CACNA2D3: variants seen among roughly 807,000 people sequenced by gnomAD.
CACNA2D3 encodes calcium voltage-gated channel auxiliary subunit alpha2delta 3.
In CACNA2D3, 60 loss-of-function variants were observed where a neutral mutation model predicts 160.6. That is an observed-to-expected ratio of 0.37 (90% CI 0.30 to 0.46). The LOEUF is 0.46. CACNA2D3 is among the 20% of genes least tolerant of loss of function. CACNA2D3 has a pLI of 1.00. For missense variants in CACNA2D3, 1,205 were observed against 1,365.0 expected (o/e 0.88, Z 1.85); for synonymous variants, 558 against 492.9 (o/e 1.13, Z -1.75).
chr3:55,057,958 T>C (rs1402981454), intron 35 of CACNA2D3, among the ~76,000 whole-genome samples: 1 of 152,148 alleles, frequency 6.6e-6, no homozygotes, highest in African/African-American at 2.4e-5. Flanking sequence ...ATAAAGTAAT[T>C]CTCAATGATC....
At chr3:54,301,167 G>A (rs535091294) in intron 2 of CACNA2D3, among the ~76,000 whole-genome samples, 1 of 151,964 alleles carries the variant, frequency 6.6e-6, no homozygotes, top group East Asian at 1.9e-4. Flanking sequence ...TGAGGCAGGA[G>A]GCCCACTTGA....
At position 54,746,484 on chromosome 3, in the gene CACNA2D3, G is replaced by A. The variant is rs117624249; in HGVS notation, c.1168-6115G>A. ...ACTGAGTTGGGCAGTGAGTCCAAAA[G>A]GACATGAGCAGGTGAGAAGACAGGA... On this transcript the variant is annotated intron_variant, in intron 11 of 37. Coordinates refer to ENST00000474759, the MANE Select transcript of CACNA2D3 (RefSeq NM_018398.3). 7.0e-4 allele frequency among the ~76,000 whole-genome samples: 107 copies of A among 152,288 alleles called. No individual in the cohort carries two copies. The East Asian group carries it at 0.019, about 28-fold the overall frequency.
At chr3:54,469,375 T>A (rs1700688134) in intron 4 of CACNA2D3, among the ~76,000 whole-genome samples, 2 of 152,074 alleles carry the variant, frequency 1.3e-5, no homozygotes, top group South Asian at 4.1e-4. Context: ...AGGAATAGCA[T>A]CAATATCAAC....
chr3:54,907,192 G>A (rs929024136), intron 27 of CACNA2D3, among the ~76,000 whole-genome samples: 1 of 152,208 alleles, frequency 6.6e-6, no homozygotes, highest in African/African-American at 2.4e-5. Flanking sequence ...AGAGGTCATG[G>A]TGGGATGTGG....
chr3:54,246,119 T>C (rs1408268959), intron 2 of CACNA2D3, among the ~76,000 whole-genome samples: 1 of 152,254 alleles, frequency 6.6e-6, no homozygotes, highest in Non-Finnish European at 1.5e-5. Context: ...GTGATTTTGG[T>C]TGTTTTGAAG....
At chr3:54,475,314 T>C (rs1218750974) in intron 4 of CACNA2D3, among the ~76,000 whole-genome samples, 1 of 152,206 alleles carries the variant, frequency 6.6e-6, no homozygotes, top group Non-Finnish European at 1.5e-5. Flanking sequence ...CCCCTAGCTT[T>C]GCCAGTGATC....
At chr3:55,011,058 A>C (rs1035663873) in intron 34 of CACNA2D3, among the ~76,000 whole-genome samples, 4 of 152,228 alleles carry the variant, frequency 2.6e-5, no homozygotes, top group African/African-American at 9.6e-5. Context: ...TAACTTACAC[A>C]TAGGCTCGTT....
intron 13 of CACNA2D3, among the ~76,000 whole-genome samples, chr3:54,806,579 C>T (rs1703132766): frequency 6.6e-6 from 1 of 152,188 alleles, no homozygotes; most frequent in East Asian, 1.9e-4. Context: ...GAAGAAAATT[C>T]CATGCTCATG....
At chr3:54,184,715 A>C (rs570506032) in intron 2 of CACNA2D3, among the ~76,000 whole-genome samples, 11 of 152,170 alleles carry the variant, frequency 7.2e-5, no homozygotes, top group Non-Finnish European at 1.5e-4. Context: ...TTCAGTTCTT[A>C]TCTCTTCTTG....
chr3:54,662,516 C>A (rs938728206), intron 11 of CACNA2D3, among the ~76,000 whole-genome samples: 20 of 152,306 alleles, frequency 1.3e-4, no homozygotes, highest in South Asian at 2.1e-4. Context: ...CAGGAACAGC[C>A]AAGAATTCCC....
At chr3:54,646,809 T>C (rs746750371) in intron 11 of CACNA2D3, among the ~76,000 whole-genome samples, 2 of 152,158 alleles carry the variant, frequency 1.3e-5, no homozygotes, top group Admixed American at 6.5e-5. Context: ...TATTTCTGCC[T>C]CTCTAGCTCC....
chr3:54,499,039 A>G (rs1387345368), intron 4 of CACNA2D3, among the ~76,000 whole-genome samples: 1 of 152,074 alleles, frequency 6.6e-6, no homozygotes, highest in African/African-American at 2.4e-5. Context: ...ATGGCCCAGT[A>G]TATGATCTAG....
chr3:54,141,084 T>TGCGCGCGC (rs1392359370), intron 2 of CACNA2D3, among the ~76,000 whole-genome samples: 1 of 112,380 alleles, frequency 8.9e-6, no homozygotes, highest in African/African-American at 3.7e-5. Context: ...TGTGTGTGTG[T>TGCGCGCGC]GTGCGCGCGC....
At chr3:54,284,048 T>G (rs1315233751) in intron 2 of CACNA2D3, among the ~76,000 whole-genome samples, 1 of 152,116 alleles carries the variant, frequency 6.6e-6, no homozygotes, top group Non-Finnish European at 1.5e-5. Context: ...GGCGACACAG[T>G]GAGACTCCAT....
At chr3:54,958,957 G>C (rs994332230) in intron 27 of CACNA2D3, among the ~76,000 whole-genome samples, 1 of 151,860 alleles carries the variant, frequency 6.6e-6, no homozygotes, top group Non-Finnish European at 1.5e-5. Context: ...CACAAAAATT[G>C]AGGCATGGTG....
chr3:54,404,429 A>G (rs894309276), intron 4 of CACNA2D3, among the ~76,000 whole-genome samples: 2 of 152,190 alleles, frequency 1.3e-5, no homozygotes, highest in East Asian at 1.9e-4. Flanking sequence ...ACAAAGTTCA[A>G]CATCCTTTCT....
chr3:54,845,438 A>G (rs1458657625), intron 16 of CACNA2D3, among the ~76,000 whole-genome samples: 1 of 152,144 alleles, frequency 6.6e-6, no homozygotes, highest in East Asian at 1.9e-4. Flanking sequence ...AAAAAAATAG[A>G]GGATTTCTTT....
At chr3:54,992,780 G>GAA (rs5849065) in intron 31 of CACNA2D3, among the ~76,000 whole-genome samples, 6,990 of 137,328 alleles carry the variant, frequency 0.051, 184 homozygotes, top group Middle Eastern at 0.078. Flanking sequence ...TGAACAACAA[G>GAA]AAAAAAAAAA....
intron 3 of CACNA2D3, among the ~76,000 whole-genome samples, chr3:54,321,898 A>G (rs187264188): frequency 7.3e-6 from 1 of 137,916 alleles, no homozygotes; most frequent in Admixed American, 8.0e-5. Flanking sequence ...GTGGTGTGCA[A>G]GTGCTTATTT....
Sources: gnomAD v4.1 joint callset for allele counts (sites outside exome capture counted in the v4.1 genomes callset) on GRCh38, gnomAD v4.1.1 for gene constraint, MANE v1.5 for transcripts, NCBI Gene and HGNC (gene_info 2026-07-23, HGNC 2026-07-21) for gene names.